Variants in ZBTB20 observed in about 807,000 individuals in gnomAD.
ZBTB20 encodes zinc finger and BTB domain containing 20, also known as zinc finger and BTB domain-containing protein 20.
A neutral mutation model predicts 56.9 loss-of-function variants in ZBTB20; 9 were observed. The observed-to-expected ratio is 0.16, with a 90% CI of 0.10 to 0.28. The LOEUF (loss-of-function observed/expected upper bound fraction) is 0.28. Among genes scored for constraint, ZBTB20 ranks in the 10% least tolerant of loss-of-function variants. The pLI is 1.00. For synonymous variants in ZBTB20, 417 were observed against 420.7 expected, an observed-to-expected ratio of 0.99 and a Z score of 0.11; for missense variants, 655 against 1,003.0, an observed-to-expected ratio of 0.65 and a Z score of 4.69.
chr3:114,714,514 A>G (rs1056176327), intron 5 of ZBTB20, among the ~76,000 whole-genome samples: 1 of 150,822 alleles, frequency 6.6e-6, no homozygotes, highest in Admixed American at 6.6e-5. Context: ...GCTTCCTTTT[A>G]TAGTCTTCTC....
At chr3:114,627,796 C>G (rs1021463727) in intron 6 of ZBTB20, among the ~76,000 whole-genome samples, 1 of 152,334 alleles carries the variant, frequency 6.6e-6, no homozygotes, top group East Asian at 1.9e-4. Flanking sequence ...TTCCTCTTTT[C>G]TTTTCCCAGA....
chr3:114,605,156 T>C (rs2057047365), intron 6 of ZBTB20, among the ~76,000 whole-genome samples: 1 of 152,076 alleles, frequency 6.6e-6, no homozygotes. Flanking sequence ...ATAAAGACAG[T>C]GCATTATAAT....
chr3:114,932,361 T>G (rs541663751), intron 3 of ZBTB20, among the ~76,000 whole-genome samples: 2 of 152,360 alleles, frequency 1.3e-5, no homozygotes, highest in East Asian at 3.9e-4. Context: ...GATCCATGGT[T>G]TCTGCTTCTT....
At chr3:114,635,581 A>T (rs538888092) in intron 6 of ZBTB20, among the ~76,000 whole-genome samples, 1 of 152,046 alleles carries the variant, frequency 6.6e-6, no homozygotes, top group Non-Finnish European at 1.5e-5. Flanking sequence ...ACAAAATGAG[A>T]AGTTAAATAA....
intron 3 of ZBTB20, among the ~76,000 whole-genome samples, chr3:114,909,942 G>GTTT (rs2075465072): frequency 6.6e-6 from 1 of 151,624 alleles, no homozygotes. Flanking sequence ...ATAATACTGA[G>GTTT]CATAAGGGAA....
intron 6 of ZBTB20, among the ~76,000 whole-genome samples, chr3:114,559,568 TTTCA>T (rs2110267657): frequency 6.6e-6 from 1 of 152,310 alleles, no homozygotes; most frequent in South Asian, 2.1e-4. Flanking sequence ...GGTCCATAGC[TTTCA>T]TCATATTATC....
chr3:114,890,755 A>G (rs1295216614), intron 4 of ZBTB20, among the ~76,000 whole-genome samples: 1 of 152,208 alleles, frequency 6.6e-6, no homozygotes, highest in Non-Finnish European at 1.5e-5. Flanking sequence ...ATAATAAAAA[A>G]GGAAGAAAAA....
intron 6 of ZBTB20, among the ~76,000 whole-genome samples, chr3:114,666,464 C>G (rs1213326183): frequency 6.6e-6 from 1 of 151,968 alleles, no homozygotes; most frequent in East Asian, 1.9e-4. Context: ...TTAGCTATTT[C>G]TTTTTGTATG....
At chr3:114,813,081 C>G (rs2108886339) in intron 4 of ZBTB20, among the ~76,000 whole-genome samples, 1 of 152,354 alleles carries the variant, frequency 6.6e-6, no homozygotes, top group African/African-American at 2.4e-5. Flanking sequence ...CCGGCCTTGG[C>G]CAGCCCAGAA....
intron 6 of ZBTB20, among the ~76,000 whole-genome samples, chr3:114,592,824 T>C (rs1351078689): frequency 1.3e-5 from 2 of 152,174 alleles, no homozygotes; most frequent in African/African-American, 2.4e-5. Context: ...TTTTATTCTA[T>C]AAAAATCTAT....
intron 5 of ZBTB20, among the ~76,000 whole-genome samples, chr3:114,799,805 A>G (rs2071585395): frequency 6.6e-6 from 1 of 151,906 alleles, no homozygotes; most frequent in Non-Finnish European, 1.5e-5. Flanking sequence ...ACCAGATGCA[A>G]TCACAGTAAG....
chr3:114,674,228 T>C (rs1007141694), intron 6 of ZBTB20, among the ~76,000 whole-genome samples: 13 of 152,194 alleles, frequency 8.5e-5, no homozygotes, highest in African/African-American at 3.1e-4. Flanking sequence ...GAAATCTTAA[T>C]GGGCAAGCTC....
chr3:114,810,505 T>G (rs917880457), intron 4 of ZBTB20, among the ~76,000 whole-genome samples: 2 of 152,184 alleles, frequency 1.3e-5, no homozygotes, highest in Non-Finnish European at 2.9e-5. Flanking sequence ...TGACTTGTCC[T>G]GCCCTGGCAG....
At chr3:115,098,011 A>C (rs902825536) in intron 1 of ZBTB20, among the ~76,000 whole-genome samples, 2 of 152,224 alleles carry the variant, frequency 1.3e-5, no homozygotes, top group African/African-American at 2.4e-5. Flanking sequence ...AAACATAAAA[A>C]TGGCTACATT....
At chr3:114,744,346 A>C (rs1397647518) in intron 5 of ZBTB20, among the ~76,000 whole-genome samples, 2 of 152,150 alleles carry the variant, frequency 1.3e-5, no homozygotes, top group African/African-American at 2.4e-5. Context: ...ATGATAAATA[A>C]AAGCGCTTAT....
intron 7 of ZBTB20, among the ~76,000 whole-genome samples, chr3:114,496,896 C>T (rs1387283183): frequency 6.6e-6 from 1 of 152,188 alleles, no homozygotes; most frequent in Non-Finnish European, 1.5e-5. Context: ...GGAATGTCTT[C>T]TCCTTATCTG....
At chr3:114,843,977 G>A (rs909195262) in intron 4 of ZBTB20, among the ~76,000 whole-genome samples, 13 of 151,938 alleles carry the variant, frequency 8.6e-5, no homozygotes, top group South Asian at 2.1e-4. Context: ...GTGAGCCACC[G>A]CACATGGCCA....
At chr3:114,775,353 G>T (rs1350438151) in intron 5 of ZBTB20, among the ~76,000 whole-genome samples, 2 of 151,686 alleles carry the variant, frequency 1.3e-5, no homozygotes, top group African/African-American at 4.8e-5. Flanking sequence ...CTTTACTCTG[G>T]GGCAATATAC....
intron 6 of ZBTB20, among the ~76,000 whole-genome samples, chr3:114,559,247 C>T (rs2051680401): frequency 6.6e-6 from 1 of 152,130 alleles, no homozygotes; most frequent in Non-Finnish European, 1.5e-5. Flanking sequence ...CTCTTTATTA[C>T]AGTAGTTATT....
Sources: gnomAD v4.1 joint callset for allele counts (sites outside exome capture counted in the v4.1 genomes callset) on GRCh38, gnomAD v4.1.1 for gene constraint, MANE v1.5 for transcripts, NCBI Gene and HGNC (gene_info 2026-07-23, HGNC 2026-07-21) for gene names.